SLC47A1: variants seen among roughly 807,000 people sequenced by gnomAD.
The protein encoded by SLC47A1 is multidrug and toxin extrusion protein 1.
A neutral mutation model predicts 65.8 loss-of-function variants in SLC47A1; 58 were observed. That is an observed-to-expected ratio of 0.88 (90% confidence interval 0.71 to 1.10). SLC47A1 has a LOEUF of 1.10. Ranked by LOEUF, SLC47A1 falls within the 50% of genes least tolerant of loss-of-function variation. The pLI, the probability that SLC47A1 is intolerant of heterozygous loss-of-function variation, is 0.00. For missense variants in SLC47A1, 706 were observed against 719.2 expected, an observed-to-expected ratio of 0.98 and a Z score of 0.21; for synonymous variants, 285 against 295.0, an observed-to-expected ratio of 0.97 and a Z score of 0.35.
At chr17:19,569,271 C>G (rs2084382164) in intron 14 of SLC47A1, among the ~76,000 whole-genome samples, 1 of 151,800 alleles carries the variant, frequency 6.6e-6, no homozygotes, top group African/African-American at 2.4e-5. Context: ...ACTTGGGAGG[C>G]TGAGGCACAA....
chr17:19,551,536 C>G, intron 6 of SLC47A1, 68 bp downstream of exon 6: 1 of 1,414,372 alleles, frequency 7.1e-7, no homozygotes, highest in Non-Finnish European at 1.0e-6. Flanking sequence ...AATGGGGGCC[C>G]TGAAGATACT....
chr17:19,553,537 C>T (rs891697973), intron 6 of SLC47A1, among the ~76,000 whole-genome samples: 1 of 126,626 alleles, frequency 7.9e-6, no homozygotes, highest in Non-Finnish European at 1.6e-5. Context: ...GAATTCATTT[C>T]TTTCTTCCTT....
At chr17:19,550,248 A>T (rs750007493) in intron 5 of SLC47A1, among the ~76,000 whole-genome samples, 5 of 151,876 alleles carry the variant, frequency 3.3e-5, no homozygotes, top group African/African-American at 1.2e-4. Flanking sequence ...CAGCCTCCTG[A>T]GTTGCTGGAA....
chr17:19,555,717 C>A (rs1445119296), intron 8 of SLC47A1, 27 bp downstream of exon 8: 2 of 1,613,564 alleles, frequency 1.2e-6, no homozygotes, highest in Admixed American at 3.3e-5. Context: ...TGTCTTCCAA[C>A]TGGGATGTGG....
At chr17:19,574,843 C>T (rs1451800090) in intron 16 of SLC47A1, among the ~76,000 whole-genome samples, 1 of 152,092 alleles carries the variant, frequency 6.6e-6, no homozygotes, top group Non-Finnish European at 1.5e-5. Context: ...ACCATGTTGG[C>T]CAGACTTTTC....
At chr17:19,535,764 G>A (rs935656605) in intron 1 of SLC47A1, 6 of 152,180 alleles carry the variant, frequency 3.9e-5, no homozygotes, top group African/African-American at 1.4e-4. Flanking sequence ...TCATGATTTG[G>A]AATCTCAAGA....
intron 2 of SLC47A1, among the ~76,000 whole-genome samples, chr17:19,542,861 G>C (rs184874890): frequency 1.3e-5 from 2 of 150,060 alleles, no homozygotes; most frequent in Admixed American, 6.7e-5. Flanking sequence ...GTGCGATCTC[G>C]GCTCACTGCA....
chr17:19,566,966 C>T (rs2152316668), intron 13 of SLC47A1, 107 bp downstream of exon 13: 1 of 1,586,692 alleles, frequency 6.3e-7, no homozygotes, highest in South Asian at 1.1e-5. Flanking sequence ...AATATTGTTA[C>T]CACATTTCGT....
chr17:19,542,458 C>T lies in SLC47A1; in HGVS notation c.201C>T (p.Gly67=). 6.2e-7 allele frequency: 1 copy of T among 1,612,660 alleles called. No homozygotes were observed. The highest frequency in any genetic ancestry group is 8.5e-7 in the Non-Finnish European group (1 of 1,179,462). Residue 67 remains glycine (G), a synonymous_variant, in exon 2 of 17, where the codon GGC becomes GGT. Transcript: ENST00000270570. The part of the protein sequence containing the change: ...FISSVFCGHL[G]KLELDAVTLA... ...GCTCCGTGTTCTGTGGCCACCTGGG[C>T]AAGCTGGAGCTGGATGCAGTCACGC...
chr17:19,553,163 G>A (rs1916500821), intron 6 of SLC47A1, among the ~76,000 whole-genome samples: 1 of 151,954 alleles, frequency 6.6e-6, no homozygotes, highest in African/African-American at 2.4e-5. Flanking sequence ...TGGGAGTTTG[G>A]AGAAAGTGAA....
chr17:19,549,785 T>C, intron 5 of SLC47A1, 108 bp downstream of exon 5: 5 of 1,234,634 alleles, frequency 4.0e-6, no homozygotes, highest in Non-Finnish European at 5.9e-6. Flanking sequence ...GATTCTTATC[T>C]GTGGTGTTGG....
intron 6 of SLC47A1, among the ~76,000 whole-genome samples, chr17:19,554,144 GTTA>G (rs1228407147): frequency 2.0e-5 from 3 of 152,294 alleles, no homozygotes; most frequent in Non-Finnish European, 4.4e-5. Context: ...AGGAAGAAGA[GTTA>G]TTATAAAGGT....
chr17:19,577,464 C>T lies in SLC47A1; in HGVS notation c.1624C>T (p.Leu542=). The T allele has an allele frequency of 1.2e-6, 2 of 1,614,182 alleles. No individual in the cohort carries two copies. The highest frequency in any genetic ancestry group is 1.7e-6 in the Non-Finnish European group (2 of 1,180,028). Residue 542 remains leucine (L), a synonymous_variant, in exon 17 of 17, where the codon CTG becomes TTG. Transcript: ENST00000270570. ...CGGCGCTAAATTGTCCAGGAAACAG[C>T]TGGTGCTGCGGCGAGGGCTTCTGCT... ...QDGAKLSRKQ[L]VLRRGLLLLG...
chr17:19,549,729 G>A, intron 5 of SLC47A1, 52 bp downstream of exon 5: 3 of 1,581,766 alleles, frequency 1.9e-6, no homozygotes, highest in Middle Eastern at 1.7e-4. Flanking sequence ...TGGGTGAAAG[G>A]TAGCCACCAT....
intron 12 of SLC47A1, among the ~76,000 whole-genome samples, chr17:19,562,643 A>G (rs994621681): frequency 3.3e-5 from 5 of 152,120 alleles, no homozygotes; most frequent in Non-Finnish European, 7.3e-5. Flanking sequence ...CTTTTCTCAC[A>G]AAGGGAATCA....
At chr17:19,571,885 G>A (rs1484740393) in intron 15 of SLC47A1, among the ~76,000 whole-genome samples, 1 of 152,190 alleles carries the variant, frequency 6.6e-6, no homozygotes, top group Non-Finnish European at 1.5e-5. Flanking sequence ...ATGCATCAAA[G>A]TCATCCTGAT....
Position 19,568,513 on chromosome 17 carries a change from TTCTC to T in SLC47A1, c.1309+1287_1309+1290del, listed in dbSNP as rs1011149214. On this transcript the variant is annotated intron_variant, in intron 14 of 16. Transcript: ENST00000270570. ...TAAAATATTAAGGAAATAATTTAAA[TTCTC>T]TATATTATATCTTTTAAACTTTAAA... 2.7e-3 allele frequency among the ~76,000 whole-genome samples: 405 copies of T among 152,320 alleles called. 3 individuals are homozygous for T. Among genetic ancestry groups the T allele is most frequent in the African/African-American group, 9.4e-3 (391 of 41,574 alleles).
intron 6 of SLC47A1, among the ~76,000 whole-genome samples, chr17:19,552,089 T>G (rs1231630775): frequency 2.0e-5 from 3 of 152,162 alleles, no homozygotes; most frequent in Non-Finnish European, 2.9e-5. Context: ...CGGCAATGGA[T>G]CCCGGCCACA....
At chr17:19,548,499 C>CTTTTTTT (rs11341022) in intron 4 of SLC47A1, among the ~76,000 whole-genome samples, 1 of 123,452 alleles carries the variant, frequency 8.1e-6, no homozygotes. Context: ...CAAGATTTTT[C>CTTTTTTT]TTTTTTTTTT....
Sources: gnomAD v4.1 joint callset for allele counts (sites outside exome capture counted in the v4.1 genomes callset) on GRCh38, gnomAD v4.1.1 for gene constraint, MANE v1.5 for transcripts, NCBI Gene and HGNC (gene_info 2026-07-23, HGNC 2026-07-21) for gene names.